TTC28: variants seen among roughly 807,000 people sequenced by gnomAD.
TTC28 encodes the protein tetratricopeptide repeat domain 28.
A neutral mutation model predicts 198.0 loss-of-function variants in TTC28; 61 were observed. The ratio of observed to expected loss-of-function variants is 0.31; its 90% confidence interval spans 0.25 to 0.38. The LOEUF is 0.38. Among genes scored for constraint, TTC28 ranks in the 10% least tolerant of loss-of-function variants. TTC28 has a pLI of 1.00. For synonymous variants in TTC28, 1,171 were observed against 1,297.8 expected (o/e 0.90, Z 2.10); for missense variants, 2,678 against 3,164.0 (o/e 0.85, Z 3.69).
At chr22:28,029,763 A>G (rs1448900250) in intron 13 of TTC28, among the ~76,000 whole-genome samples, 4 of 152,196 alleles carry the variant, frequency 2.6e-5, no homozygotes, top group Admixed American at 2.6e-4. Flanking sequence ...GGATGAGTGC[A>G]TTCCTAGGCC....
chr22:28,424,863 G>T (rs1025388633), intron 2 of TTC28, among the ~76,000 whole-genome samples: 1 of 152,170 alleles, frequency 6.6e-6, no homozygotes, highest in Non-Finnish European at 1.5e-5. Context: ...TAAAGCATGT[G>T]AATATTTCAT....
At chr22:28,451,278 T>A (rs1480290885) in intron 2 of TTC28, among the ~76,000 whole-genome samples, 3 of 152,222 alleles carry the variant, frequency 2.0e-5, no homozygotes, top group African/African-American at 7.2e-5. Context: ...AGAAAGGTCA[T>A]GTCTTCGCAG....
intron 2 of TTC28, among the ~76,000 whole-genome samples, chr22:28,531,118 T>C (rs1385854316): frequency 6.6e-6 from 1 of 152,094 alleles, no homozygotes; most frequent in Admixed American, 6.6e-5. Flanking sequence ...ACTGGCAAAC[T>C]GGATGAAGAG....
chr22:28,135,094 A>G (rs1943167741), intron 6 of TTC28, among the ~76,000 whole-genome samples: 2 of 152,080 alleles, frequency 1.3e-5, no homozygotes, highest in Non-Finnish European at 2.9e-5. Flanking sequence ...TTTTGATATT[A>G]TGCTATGAGA....
chr22:28,293,222 C>T (rs765466522), intron 5 of TTC28, among the ~76,000 whole-genome samples: 2 of 151,950 alleles, frequency 1.3e-5, no homozygotes, highest in Non-Finnish European at 2.9e-5. Flanking sequence ...TATCAAGAAA[C>T]GAAAGTGTAA....
intron 14 of TTC28, among the ~76,000 whole-genome samples, chr22:28,009,378 T>C (rs1056192901): frequency 4.6e-5 from 7 of 152,258 alleles, no homozygotes; most frequent in Non-Finnish European, 1.0e-4. Flanking sequence ...CGTTTTAGTC[T>C]TGAAGTGTCA....
intron 2 of TTC28, among the ~76,000 whole-genome samples, chr22:28,518,974 A>C (rs1413804169): frequency 6.6e-6 from 1 of 152,212 alleles, no homozygotes; most frequent in East Asian, 1.9e-4. Context: ...CAAGTCACTT[A>C]ATTTTTCTGG....
intron 5 of TTC28, among the ~76,000 whole-genome samples, chr22:28,191,368 C>CA (rs1924728547): frequency 6.6e-6 from 1 of 152,232 alleles, no homozygotes; most frequent in African/African-American, 2.4e-5. Context: ...GTGAGCAACA[C>CA]AGAAGACGGG....
At position 28,229,296 on chromosome 22, in the gene TTC28, C is replaced by T. The variant is rs1182683284; in HGVS notation, c.934-65697G>A. Among the ~76,000 whole-genome samples the T allele has an allele frequency of 2.0e-5, 3 of 152,190 alleles. No homozygotes were observed. In the South Asian group the frequency reaches 6.2e-4, roughly 32 times the overall value. ...ATCACACACAGAATAAATAAGTTCTCCATTTGGCTTTAATAATACAAACCA... is the reference window on the plus strand; with the variant it reads ...ATCACACACAGAATAAATAAGTTCTTCATTTGGCTTTAATAATACAAACCA... On this transcript the variant is annotated intron_variant, in intron 5 of 22. Coordinates refer to ENST00000397906, the MANE Select transcript of TTC28 (RefSeq NM_001145418.2).
At position 28,014,241 on chromosome 22, in the gene TTC28, T is replaced by C. The variant is rs1203586681; in HGVS notation, c.4218+7A>G. On this transcript the variant is annotated splice_region_variant and intron_variant, in intron 14 of 22. Coordinates refer to ENST00000397906, the MANE Select transcript of TTC28 (RefSeq NM_001145418.2). The stretch of plus-strand genomic sequence containing the variant: ...GGAGGAGCCTTGTGCCCCCAGGAGG[T>C]GCTTACCCCTTCCATGGGCGCGATG... 1.9e-6 allele frequency: 3 copies of C among 1,548,648 alleles called. No individual in the cohort carries two copies. The highest frequency in any genetic ancestry group is 2.4e-5 in the East Asian group (1 of 40,904).
At position 28,505,346 on chromosome 22, in the gene TTC28, G is replaced by C. The variant is rs74800882; in HGVS notation, c.381+124206C>G. Among the ~76,000 whole-genome samples, 48 of 151,774 alleles carry C rather than the reference G, an allele frequency of 3.2e-4. No individual in the cohort carries two copies. In the East Asian group the frequency reaches 8.7e-3, roughly 28 times the overall value. ...AAGCAGCTGCGCTCTGCGGCACTCCGAAAGGAATGAAAGTGGCGAGTGAGT... is the reference window on the plus strand; with the variant it reads ...AAGCAGCTGCGCTCTGCGGCACTCCCAAAGGAATGAAAGTGGCGAGTGAGT... On this transcript the variant is annotated intron_variant, in intron 2 of 22. Coordinates refer to ENST00000397906, the MANE Select transcript of TTC28 (RefSeq NM_001145418.2).
chr22:28,049,189 TCCTTGACCTCATCG>T (rs1939982604), intron 12 of TTC28, among the ~76,000 whole-genome samples: 1 of 152,114 alleles, frequency 6.6e-6, no homozygotes, highest in Non-Finnish European at 1.5e-5. Context: ...CCTGAAGGCC[TCCTTGACCTCATCG>T]CCTGCACCTG....
chr22:28,164,953 C>G (rs1308503516), intron 5 of TTC28, among the ~76,000 whole-genome samples: 1 of 152,088 alleles, frequency 6.6e-6, no homozygotes, highest in South Asian at 2.1e-4. Context: ...AAATGGCTAA[C>G]TAGAATAACC....
At chr22:28,389,044 A>T (rs1223897660) in intron 2 of TTC28, among the ~76,000 whole-genome samples, 1 of 152,020 alleles carries the variant, frequency 6.6e-6, no homozygotes, top group Non-Finnish European at 1.5e-5. Context: ...GAGAGTTTTT[A>T]GCATGAAGGG....
At chr22:28,285,231 A>G (rs1255643029) in intron 5 of TTC28, among the ~76,000 whole-genome samples, 2 of 152,248 alleles carry the variant, frequency 1.3e-5, no homozygotes, top group Non-Finnish European at 2.9e-5. Flanking sequence ...AAATCCTGCC[A>G]TTTGTGAGAC....
intron 1 of TTC28, among the ~76,000 whole-genome samples, chr22:28,633,332 A>G (rs2051211710): frequency 6.6e-6 from 1 of 151,852 alleles, no homozygotes; most frequent in Non-Finnish European, 1.5e-5. Context: ...TTTTTTTCAA[A>G]AAGAATTGCA....
chr22:28,239,761 C>T (rs1191665453), intron 5 of TTC28, among the ~76,000 whole-genome samples: 6 of 152,076 alleles, frequency 3.9e-5, no homozygotes, highest in African/African-American at 9.7e-5. Flanking sequence ...GGGATGGAGA[C>T]ATATGGGCAT....
chr22:28,341,708 T>C (rs2045832058), intron 2 of TTC28, among the ~76,000 whole-genome samples: 1 of 152,110 alleles, frequency 6.6e-6, no homozygotes, highest in Admixed American at 6.6e-5. Context: ...GAGAATTGCT[T>C]GAACCCGGGA....
At chr22:28,626,342 T>G (rs1281639857) in intron 2 of TTC28, among the ~76,000 whole-genome samples, 1 of 152,078 alleles carries the variant, frequency 6.6e-6, no homozygotes, top group Non-Finnish European at 1.5e-5. Flanking sequence ...TCTGGAGCCT[T>G]TAGATCCTTA....
Sources: gnomAD v4.1 joint callset for allele counts (sites outside exome capture counted in the v4.1 genomes callset) on GRCh38, gnomAD v4.1.1 for gene constraint, MANE v1.5 for transcripts, NCBI Gene and HGNC (gene_info 2026-07-23, HGNC 2026-07-21) for gene names.